The following CCDC13 variants were observed in gnomAD, a reference collection of about 807,000 sequenced individuals.
CCDC13 encodes coiled-coil domain-containing protein 13.
Under a neutral mutation model 87.3 loss-of-function variants are expected in CCDC13, and 70 were observed. The ratio of observed to expected loss-of-function variants is 0.80; its 90% CI spans 0.66 to 0.98. The LOEUF is 0.98. Among genes scored for constraint, CCDC13 ranks in the 50% least tolerant of loss-of-function variants. CCDC13 has a pLI of 0.00. For missense variants in CCDC13, 842 were observed against 892.0 expected (o/e 0.94, Z 0.71); for synonymous variants, 317 against 360.3 (o/e 0.88, Z 1.36).
At chr3:42,713,455 C>T in intron 13 of CCDC13, 139 bp from the exon 14 acceptor site, 1 of 790,114 alleles carries the variant, frequency 1.3e-6, no homozygotes, top group East Asian at 2.6e-5. Flanking sequence ...TGCAGTAACA[C>T]AGGAACATGC....
In CCDC13 at chr3:42,735,715, T is replaced by C. The variant is rs1698987468; in HGVS notation, c.1363A>G (p.Asn455Asp). 11 of 1,613,970 alleles carry C rather than the reference T, an allele frequency of 6.8e-6. No homozygotes were observed. The South Asian group carries it at 8.8e-5, about 13-fold the overall frequency. The change falls in exon 10 of 16, where the codon AAT becomes GAT. Residue 455 changes from asparagine (N) to aspartate (D), a missense_variant. Asn to Asp is a conservative substitution (Grantham distance 23). Transcript: ENST00000310232. ...RQLEMEIGQL[N>D]VHYLRNKGVG... The stretch of plus-strand genomic sequence containing the variant: ...GCCAGTGCCCTACTCACGTGCACAT[T>C]GAGTTGTCCGATCTCCATCTCCAGC...
At chr3:42,762,819 C>T (rs1699861390) in intron 1 of CCDC13, among the ~76,000 whole-genome samples, 1 of 152,162 alleles carries the variant, frequency 6.6e-6, no homozygotes, top group Non-Finnish European at 1.5e-5. Context: ...CATGATGGCT[C>T]ACACCTGTAA....
rs545172857 is a variant in CCDC13 at position 42,707,298 on chromosome 3, G to A, written c.*1682C>T. On this transcript the variant is annotated 3_prime_UTR_variant, in exon 16 of 16. Coordinates refer to ENST00000310232, the MANE Select transcript of CCDC13 (RefSeq NM_144719.4). ...CCCTCTCTCTCCTGGCTCTCTGCCT[G>A]GCCGTTTTCCTTCACAAGGAACCAG... Among the ~76,000 whole-genome samples the A allele has an allele frequency of 6.6e-6, 1 of 152,250 alleles. No homozygotes were observed. The highest frequency in any genetic ancestry group is 1.5e-5 in the Non-Finnish European group (1 of 68,014).
At chr3:42,745,676 G>A (rs900379925) in intron 7 of CCDC13, 4 of 342,924 alleles carry the variant, frequency 1.2e-5, no homozygotes, top group Non-Finnish European at 2.1e-5. Context: ...CAAAGGCGTT[G>A]GCATTTGTTA....
chr3:42,739,520 G>T (rs1020012037), intron 9 of CCDC13, 114 bp downstream of exon 9: 1 of 1,195,512 alleles, frequency 8.4e-7, no homozygotes, highest in African/African-American at 1.5e-5. Context: ...ACGGGCTTTG[G>T]GGTTACACAG....
Position 42,709,782 on chromosome 3 carries a change from G to T in CCDC13, c.1890C>A (p.Asn630Lys). The T allele has an allele frequency of 6.2e-7, 1 of 1,614,148 alleles. No individual in the cohort carries two copies. Among genetic ancestry groups the T allele is most frequent in the Non-Finnish European group, 8.5e-7 (1 of 1,179,984 alleles). ...CGCTCCCGGTTGGGTTGTGCCTGTT[G>T]TTAGAGGTGGGCAGACCTGTGGGGC... The part of the protein sequence containing the change: ...PRTKTGLPTS[N>K]NRHNPTGSEK... The change falls in exon 15 of 16, where the codon AAC (asparagine) becomes AAA (lysine). Residue 630 changes from asparagine (N) to lysine (K), a missense_variant. Asn to Lys is a moderately conservative substitution (Grantham distance 94). Transcript: ENST00000310232.
rs568528821 is a variant in CCDC13, at chr3:42,741,269, A to C, written c.988-1459T>G. ...CTTGAGCCCTAGAAAGTCTGTCCTC[A>C]CTGTCCCAGGTGTCTGGCCCTTCCA... On this transcript the variant is annotated intron_variant, in intron 8 of 15. Transcript: ENST00000310232. 9.3e-4 allele frequency among the ~76,000 whole-genome samples: 141 copies of C among 152,016 alleles called. 1 individual carries two copies. The South Asian group carries it at 0.011, about 12-fold the overall frequency.
At chr3:42,763,637 T>C (rs1025401158) in intron 1 of CCDC13, among the ~76,000 whole-genome samples, 11 of 152,112 alleles carry the variant, frequency 7.2e-5, no homozygotes, top group African/African-American at 2.7e-4. Context: ...TCTGAGTTGC[T>C]GGGACTACAG....
At chr3:42,757,288 C>G (rs1255014343) in intron 2 of CCDC13, 74 bp from the exon 3 acceptor site, 3 of 1,429,764 alleles carry the variant, frequency 2.1e-6, no homozygotes, top group Non-Finnish European at 2.9e-6. Context: ...CCTCCACTGC[C>G]TAGGTGGACA....
chr3:42,755,689 T>A (rs1400824371), intron 3 of CCDC13, among the ~76,000 whole-genome samples: 1 of 152,228 alleles, frequency 6.6e-6, no homozygotes, highest in African/African-American at 2.4e-5. Context: ...AATGGTGACT[T>A]CAGAGTGAAG....
At chr3:42,749,625 C>T (rs1699519409) in intron 5 of CCDC13, among the ~76,000 whole-genome samples, 1 of 152,186 alleles carries the variant, frequency 6.6e-6, no homozygotes, top group African/African-American at 2.4e-5. Flanking sequence ...CAGGCCCCGT[C>T]CTCCTAGCTT....
Position 42,742,751 on chromosome 3 carries a change from T to C in CCDC13, c.987+145A>G, listed in dbSNP as rs960601849. ...TTGGTTTGACAGGACATGAGGAACATGCAGAGGTGACCCAGGTCCCCAGGT... is the reference window on the plus strand; with the variant it reads ...TTGGTTTGACAGGACATGAGGAACACGCAGAGGTGACCCAGGTCCCCAGGT... On this transcript the variant is annotated intron_variant, in intron 8 of 15. Transcript: ENST00000310232. 1.6e-5 allele frequency: 15 copies of C among 951,696 alleles called. No homozygotes were observed. The South Asian group carries it at 2.4e-4, about 15-fold the overall frequency. 59.0% of individuals were successfully genotyped at this position (951,696 alleles called of 1,614,324 possible).
chr3:42,735,303 C>G (rs9879906), intron 10 of CCDC13, among the ~76,000 whole-genome samples: 1,723 of 152,190 alleles, frequency 0.011, 40 homozygotes, highest in African/African-American at 0.039. Context: ...AGAGAAGATG[C>G]AGGAGGGGTG....
intron 13 of CCDC13, among the ~76,000 whole-genome samples, chr3:42,728,973 C>G (rs1698755524): frequency 6.6e-6 from 1 of 152,160 alleles, no homozygotes; most frequent in Admixed American, 6.5e-5. Flanking sequence ...AATGAGATCT[C>G]ACATGGAGAC....
chr3:42,749,844 G>A (rs1266545513), intron 5 of CCDC13: 1 of 456,696 alleles, frequency 2.2e-6, no homozygotes, highest in Non-Finnish European at 4.4e-6. Flanking sequence ...GCCCCAAGCA[G>A]AGGGAAGGGT....
chr3:42,744,698 A>G (rs912236087), intron 7 of CCDC13, among the ~76,000 whole-genome samples: 3 of 149,848 alleles, frequency 2.0e-5, no homozygotes, highest in Admixed American at 6.7e-5. Flanking sequence ...TCAGCTACTC[A>G]GGAGGCTGAG....
chr3:42,766,702 T>C (rs966212008), intron 1 of CCDC13, among the ~76,000 whole-genome samples: 5 of 152,014 alleles, frequency 3.3e-5, no homozygotes, highest in East Asian at 1.9e-4. Context: ...TGAAAAATTA[T>C]ACCACATGAC....
At chr3:42,704,502 A>G (rs1296853859), downstream of CCDC13, 1 of 152,186 alleles carries the variant, frequency 6.6e-6, no homozygotes, top group African/African-American at 2.4e-5. Context: ...CTCCATGACA[A>G]GAGCCTTGCT....
chr3:42,771,999 TGGTGGCTCA>T, intron 1 of CCDC13, among the ~76,000 whole-genome samples: 1 of 151,904 alleles, frequency 6.6e-6, no homozygotes, highest in Middle Eastern at 3.2e-3. Context: ...AAGCCGGGCG[TGGTGGCTCA>T]TGCGTGTAAT....
Sources: allele counts gnomAD v4.1 joint callset (sites outside exome capture counted in the v4.1 genomes callset), GRCh38; gene constraint gnomAD v4.1.1; transcripts MANE v1.5; gene names NCBI Gene and HGNC (gene_info 2026-07-23, HGNC 2026-07-21).